DMD: variants seen among roughly 807,000 people sequenced by gnomAD.
The protein encoded by DMD is mutant dystrophin.
In DMD, 63 loss-of-function variants were observed where a neutral mutation model predicts 330.1. That is an observed-to-expected ratio of 0.19 (90% CI 0.16 to 0.24). The LOEUF is 0.24. DMD is among the 10% of genes least tolerant of loss of function. The probability of loss-of-function intolerance (pLI) is 1.00; values close to 1 mark genes in which losing one functional copy is unlikely to be tolerated. For synonymous variants in DMD, 1,223 were observed against 959.8 expected (o/e 1.27, Z -5.07); for missense variants, 3,344 against 2,684.1 (o/e 1.25, Z -5.43).
intron 59 of DMD, among the ~76,000 whole-genome samples, chrX:31,464,668 A>G (rs753539992): frequency 8.9e-6 from 1 of 112,480 alleles, no homozygotes; most frequent in African/African-American, 3.2e-5. Flanking sequence ...AGTCTTTGCA[A>G]TTGTTTTTGT....
chrX:31,217,677 G>C (rs1255376168), intron 64 of DMD, among the ~76,000 whole-genome samples: 1 of 112,076 alleles, frequency 8.9e-6, no homozygotes, highest in African/African-American at 3.2e-5. Context: ...AAGCCTGGAA[G>C]CTAAATCTAA....
intron 51 of DMD, among the ~76,000 whole-genome samples, chrX:31,754,585 T>C (rs1192490215): frequency 9.0e-6 from 1 of 110,974 alleles, no homozygotes; most frequent in African/African-American, 3.3e-5. Context: ...AACGAATGTA[T>C]TACCCCCAAA....
At chrX:32,394,564 T>C (rs1190036770) in intron 30 of DMD, among the ~76,000 whole-genome samples, 2 of 111,878 alleles carry the variant, frequency 1.8e-5, no homozygotes. Context: ...TTTGCACAAA[T>C]ATTTAGTTAT....
At chrX:32,639,117 C>A (rs2059285010) in intron 11 of DMD, among the ~76,000 whole-genome samples, 1 of 111,914 alleles carries the variant, frequency 8.9e-6, no homozygotes. Context: ...TTAGTTTCTG[C>A]CTGCATGTCC....
At chrX:32,079,997 C>T (rs1430964829) in intron 44 of DMD, among the ~76,000 whole-genome samples, 1 of 112,353 alleles carries the variant, frequency 8.9e-6, no homozygotes, top group Non-Finnish European at 1.9e-5. Context: ...GAATTGTTTA[C>T]TTAATTCACA....
chrX:31,986,474 G>A (rs1473108450), intron 44 of DMD, among the ~76,000 whole-genome samples: 1 of 110,942 alleles, frequency 9.0e-6, no homozygotes, highest in Non-Finnish European at 1.9e-5. Flanking sequence ...ATACAGTGGT[G>A]TGATCCCGGC....
chrX:33,131,085 T>C (rs2095496690), intron 1 of DMD, among the ~76,000 whole-genome samples: 1 of 111,190 alleles, frequency 9.0e-6, no homozygotes, highest in Non-Finnish European at 1.9e-5. Context: ...CAAGAGTTAA[T>C]GGGCATACAA....
At chrX:31,882,489 A>G (rs1267295759) in intron 47 of DMD, among the ~76,000 whole-genome samples, 1 of 112,181 alleles carries the variant, frequency 8.9e-6, no homozygotes, top group African/African-American at 3.2e-5. Flanking sequence ...TTAATGTATT[A>G]TTTTTTAAAC....
At chrX:32,760,122 C>G (rs1464478907) in intron 7 of DMD, among the ~76,000 whole-genome samples, 2 of 111,721 alleles carry the variant, frequency 1.8e-5, no homozygotes, top group Non-Finnish European at 3.8e-5. Context: ...AAAAATCCCC[C>G]CAACTATTAC....
At position 32,491,377 on chromosome X, in the gene DMD, T is replaced by A; in HGVS notation, c.2522A>T (p.Gln841Leu). Residue 841 changes from glutamine (Q) to leucine (L), a missense_variant, in exon 20 of 79, where the codon CAA (glutamine) becomes CTA (leucine). By Grantham distance (113) the Gln-to-Leu change is moderately radical (BLOSUM62 -2). Transcript: ENST00000357033. ...AGCAGTAGTTGTCATCTGCTCCAATTGTTGTAGCTGATTATAGAAAGCGAT... is the reference window on the plus strand; with the variant it reads ...AGCAGTAGTTGTCATCTGCTCCAATAGTTGTAGCTGATTATAGAAAGCGAT... ...NIIAFYNQLQ[Q>L]LEQMTTTAEN... The A allele has an allele frequency of 1.7e-6, 2 of 1,211,225 alleles. No homozygotes were observed. The highest frequency in any genetic ancestry group is 2.3e-4 in the Middle Eastern group (1 of 4,355).
At chrX:33,331,264 T>C (rs1235496815) in intron 1 of DMD, among the ~76,000 whole-genome samples, 1 of 111,640 alleles carries the variant, frequency 9.0e-6, no homozygotes, top group East Asian at 2.8e-4. Context: ...AGATTCCTAC[T>C]CACTAATGTG....
intron 50 of DMD, among the ~76,000 whole-genome samples, chrX:31,782,594 T>C (rs1345619966): frequency 9.8e-6 from 1 of 102,327 alleles, no homozygotes; most frequent in Non-Finnish European, 2.0e-5. Context: ...AATCATGAGC[T>C]AAAAAAAAAA....
rs181143736 is a variant in DMD at position 32,537,087 on chromosome X, G to T, written c.2168+8072C>A. 5.4e-5 allele frequency among the ~76,000 whole-genome samples: 6 copies of T among 111,841 alleles called. No individual in the cohort carries two copies. The East Asian group carries it at 1.7e-3, about 32-fold the overall frequency. Reference sequence around the variant, plus strand: ...GATTTAGTGATGTGGCAGATATCAAGACCACTGTGAATGGCTGCACAGGTT... The same window carrying T: ...GATTTAGTGATGTGGCAGATATCAATACCACTGTGAATGGCTGCACAGGTT... On this transcript the variant is annotated intron_variant, in intron 17 of 78. Transcript: ENST00000357033.
intron 11 of DMD, among the ~76,000 whole-genome samples, chrX:32,634,178 A>G (rs186233378): frequency 5.4e-5 from 6 of 111,783 alleles, no homozygotes; most frequent in African/African-American, 1.6e-4. Context: ...CTGAGGTCCA[A>G]TGTTCACTCA....
At chrX:32,928,758 T>C (rs975176721) in intron 2 of DMD, among the ~76,000 whole-genome samples, 2 of 112,238 alleles carry the variant, frequency 1.8e-5, no homozygotes, top group Non-Finnish European at 3.8e-5. Context: ...GTACCAGTTA[T>C]AACACTGTTA....
chrX:31,776,204 G>T (rs755616141), intron 50 of DMD, among the ~76,000 whole-genome samples: 1 of 111,119 alleles, frequency 9.0e-6, no homozygotes, highest in South Asian at 3.8e-4. Context: ...ATCACTGTAG[G>T]AACTAACTGC....
intron 17 of DMD, among the ~76,000 whole-genome samples, chrX:32,534,516 C>G (rs2047772804): frequency 9.0e-6 from 1 of 111,319 alleles, no homozygotes; most frequent in African/African-American, 3.3e-5. Flanking sequence ...CTTCCTGAGA[C>G]CTCCCCAGAA....
intron 1 of DMD, among the ~76,000 whole-genome samples, chrX:33,130,364 C>A (rs1401963768): frequency 9.0e-6 from 1 of 111,016 alleles, no homozygotes; most frequent in East Asian, 2.8e-4. Flanking sequence ...GCGGAAGACA[C>A]TTGGCATCTG....
At chrX:33,258,518 C>A (rs1261266694) in intron 1 of DMD, among the ~76,000 whole-genome samples, 1 of 111,116 alleles carries the variant, frequency 9.0e-6, no homozygotes, top group African/African-American at 3.3e-5. Flanking sequence ...TTATTACCTT[C>A]TGATTTGTTC....
Sources: gnomAD v4.1 joint callset for allele counts (sites outside exome capture counted in the v4.1 genomes callset) on GRCh38, gnomAD v4.1.1 for gene constraint, MANE v1.5 for transcripts, NCBI Gene and HGNC (gene_info 2026-07-23, HGNC 2026-07-21) for gene names.